The following NALF1 variants were observed in gnomAD, a reference collection of about 807,000 sequenced individuals.
The protein encoded by NALF1 is family with sequence similarity 155 member A.
A neutral mutation model predicts 48.4 loss-of-function variants in NALF1; 3 were observed. That is an observed-to-expected ratio of 0.06 (90% CI 0.03 to 0.16). The LOEUF (loss-of-function observed/expected upper bound fraction) is 0.16. Among genes scored for constraint, NALF1 ranks in the 10% least tolerant of loss-of-function variants. The pLI is 1.00. For missense variants in NALF1, 526 were observed against 571.5 expected (o/e 0.92, Z 0.81); for synonymous variants, 262 against 245.7 (o/e 1.07, Z -0.62).
At chr13:107,226,975 T>C (rs1421382226) in intron 1 of NALF1, among the ~76,000 whole-genome samples, 6 of 152,272 alleles carry the variant, frequency 3.9e-5, no homozygotes, top group Non-Finnish European at 1.5e-5. Flanking sequence ...AACAAAAGTA[T>C]GCACTTCATT....
At chr13:107,212,502 C>G (rs1879782529) in intron 1 of NALF1, among the ~76,000 whole-genome samples, 1 of 152,206 alleles carries the variant, frequency 6.6e-6, no homozygotes, top group Non-Finnish European at 1.5e-5. Context: ...CCCAGGAGGA[C>G]AGCAAGAGGC....
In NALF1 at chr13:107,448,003, C is replaced by T. The variant is rs11839955; in HGVS notation, c.916-237248G>A. ...GAACTGATGCCTGCTCTTTCAAATA[C>T]AGGGCAACTTTGACCCCTCTGCCTT... On this transcript the variant is annotated intron_variant, in intron 1 of 2. Transcript: ENST00000375915. Among the ~76,000 whole-genome samples the T allele has an allele frequency of 6.4e-3, 976 of 152,208 alleles. 7 individuals carry two copies. Among genetic ancestry groups the T allele is most frequent in the African/African-American group, 0.022 (924 of 41,548 alleles).
chr13:107,537,052 G>A (rs781579555), intron 1 of NALF1, among the ~76,000 whole-genome samples: 143 of 152,208 alleles, frequency 9.4e-4, no homozygotes, highest in South Asian at 1.5e-3. Context: ...GACACAGGGC[G>A]GGGAACATCA....
intron 1 of NALF1, among the ~76,000 whole-genome samples, chr13:107,756,611 C>T (rs3931608): frequency 0.16 from 24,478 of 151,842 alleles, 2,555 homozygotes; most frequent in East Asian, 0.59. Context: ...TTATTAAACA[C>T]GCATGCTAAA....
In NALF1 at chr13:107,749,119, T is replaced by C. The variant is rs558990216; in HGVS notation, c.915+116563A>G. On this transcript the variant is annotated intron_variant, in intron 1 of 2. Transcript: ENST00000375915. ...ATTTAGGAAATGACTCAGACTATAATGTCTATAATTGTGTGTGTGTGTGTG... is the reference window on the plus strand; with the variant it reads ...ATTTAGGAAATGACTCAGACTATAACGTCTATAATTGTGTGTGTGTGTGTG... 4.2e-4 allele frequency among the ~76,000 whole-genome samples: 55 copies of C among 130,770 alleles called. No individual in the cohort carries two copies. The South Asian group carries it at 0.013, about 31-fold the overall frequency. 85.8% of individuals were successfully genotyped at this position (130,770 alleles called of 152,430 possible).
chr13:107,857,555 T>A (rs997337364), intron 1 of NALF1, among the ~76,000 whole-genome samples: 2 of 152,246 alleles, frequency 1.3e-5, no homozygotes, highest in African/African-American at 4.8e-5. Flanking sequence ...GTTACGCACC[T>A]ATCAGGATCC....
At chr13:107,251,569 C>T (rs1594089858) in intron 1 of NALF1, among the ~76,000 whole-genome samples, 1 of 152,094 alleles carries the variant, frequency 6.6e-6, no homozygotes, top group East Asian at 1.9e-4. Flanking sequence ...AGACGGGTGG[C>T]AAGGAGAGGT....
intron 1 of NALF1, among the ~76,000 whole-genome samples, chr13:107,562,477 T>C (rs544921191): frequency 7.5e-4 from 115 of 152,334 alleles, no homozygotes; most frequent in African/African-American, 2.6e-3. Flanking sequence ...CTGCTTTGTA[T>C]GCATCCCAGA....
chr13:107,638,476 T>C (rs1880052814), intron 1 of NALF1, among the ~76,000 whole-genome samples: 2 of 151,968 alleles, frequency 1.3e-5, no homozygotes, highest in African/African-American at 4.8e-5. Context: ...TGCTGGAGGA[T>C]AGCAGCGAAT....
At chr13:107,848,842 C>T (rs1880241048) in intron 1 of NALF1, among the ~76,000 whole-genome samples, 1 of 152,168 alleles carries the variant, frequency 6.6e-6, no homozygotes, top group Non-Finnish European at 1.5e-5. Flanking sequence ...GAAATACCTT[C>T]AAGAATCTAC....
chr13:107,482,348 GCA>G lies in NALF1; in HGVS notation c.916-271595_916-271594del, dbSNP rs377613834. Among the ~76,000 whole-genome samples the G allele has an allele frequency of 3.9e-5, 6 of 152,080 alleles. No homozygotes were observed. The South Asian group carries it at 1.2e-3, about 32-fold the overall frequency. On this transcript the variant is annotated intron_variant, in intron 1 of 2. Transcript: ENST00000375915. The stretch of plus-strand genomic sequence containing the variant: ...AACAAATCTTTCTGTCTCTGTCCAT[GCA>G]CACACACACGTCCTATTGGTTATGT...
intron 2 of NALF1, among the ~76,000 whole-genome samples, chr13:107,194,053 TATCTATATATCA>T (rs997506815): frequency 5.2e-5 from 5 of 96,652 alleles, no homozygotes; most frequent in African/African-American, 1.2e-4. Context: ...TCTATCTATC[TATCTATATATCA>T]ATCTATCGTT....
At chr13:107,346,052 CA>C (rs887277239) in intron 1 of NALF1, among the ~76,000 whole-genome samples, 1 of 152,136 alleles carries the variant, frequency 6.6e-6, no homozygotes, top group Non-Finnish European at 1.5e-5. Context: ...GTCAAAACCA[CA>C]ATGAGCTATC....
At chr13:107,172,327 T>C (rs559536312) in intron 2 of NALF1, among the ~76,000 whole-genome samples, 3 of 152,376 alleles carry the variant, frequency 2.0e-5, no homozygotes, top group African/African-American at 7.2e-5. Flanking sequence ...ATCTGTCAAT[T>C]TAAAAGCATA....
intron 1 of NALF1, among the ~76,000 whole-genome samples, chr13:107,741,994 A>T (rs1316540530): frequency 2.0e-5 from 3 of 152,208 alleles, no homozygotes; most frequent in African/African-American, 4.8e-5. Flanking sequence ...ACAATCATAC[A>T]TTAAAAATTA....
At chr13:107,409,264 T>C (rs1461567049) in intron 1 of NALF1, among the ~76,000 whole-genome samples, 2 of 152,182 alleles carry the variant, frequency 1.3e-5, no homozygotes, top group Admixed American at 6.6e-5. Context: ...CCAGGCTCTA[T>C]GCTAGATGTT....
At chr13:107,817,057 AG>A (rs1879188797) in intron 1 of NALF1, among the ~76,000 whole-genome samples, 1 of 152,204 alleles carries the variant, frequency 6.6e-6, no homozygotes, top group Non-Finnish European at 1.5e-5. Flanking sequence ...ACTGAGCAAA[AG>A]TGAGTGTGAG....
At chr13:107,361,178 C>T (rs1883054455) in intron 1 of NALF1, among the ~76,000 whole-genome samples, 1 of 152,100 alleles carries the variant, frequency 6.6e-6, no homozygotes, top group Admixed American at 6.6e-5. Context: ...TGTGCTTAGA[C>T]AGATAAACAA....
chr13:107,330,147 G>A (rs1018834236), intron 1 of NALF1, among the ~76,000 whole-genome samples: 1 of 152,150 alleles, frequency 6.6e-6, no homozygotes, highest in Non-Finnish European at 1.5e-5. Context: ...GCACTTCAGG[G>A]CTGTAGCCTT....
Sources: allele counts gnomAD v4.1 joint callset (sites outside exome capture counted in the v4.1 genomes callset), GRCh38; gene constraint gnomAD v4.1.1; transcripts MANE v1.5; gene names NCBI Gene and HGNC (gene_info 2026-07-23, HGNC 2026-07-21).